CCSER1: variants seen among roughly 807,000 people sequenced by gnomAD.
The protein encoded by CCSER1 is serine-rich coiled-coil domain-containing protein 1.
CCSER1 carries 41 observed loss-of-function variants against 82.0 expected under a neutral mutation model. That is an observed-to-expected ratio of 0.50 (90% CI 0.39 to 0.65). CCSER1 has a LOEUF of 0.65. Ranked by LOEUF, CCSER1 falls within the 30% of genes least tolerant of loss-of-function variation. The probability of loss-of-function intolerance (pLI) is 0.00; values close to 1 mark genes in which losing one functional copy is unlikely to be tolerated. For missense variants in CCSER1, 1,119 were observed against 1,064.2 expected, an observed-to-expected ratio of 1.05 and a Z score of -0.72; for synonymous variants, 414 against 383.9, an observed-to-expected ratio of 1.08 and a Z score of -0.92.
intron 10 of CCSER1, among the ~76,000 whole-genome samples, chr4:91,087,974 C>T (rs1010707655): frequency 6.6e-6 from 1 of 152,040 alleles, no homozygotes; most frequent in African/African-American, 2.4e-5. Context: ...TGGTAGATGA[C>T]CTGTAAACAA....
chr4:91,591,189 TACATACTTAA>T (rs1197844030), intron 10 of CCSER1, among the ~76,000 whole-genome samples: 2 of 152,160 alleles, frequency 1.3e-5, no homozygotes, highest in African/African-American at 4.8e-5. Context: ...CAATAAGTAA[TACATACTTAA>T]ACATACAGTA....
At chr4:91,475,324 G>T (rs1343621211) in intron 10 of CCSER1, among the ~76,000 whole-genome samples, 1 of 151,852 alleles carries the variant, frequency 6.6e-6, no homozygotes, top group African/African-American at 2.4e-5. Flanking sequence ...AATAAGAAAT[G>T]CTCTTACTTC....
intron 1 of CCSER1, among the ~76,000 whole-genome samples, chr4:90,160,348 C>T (rs906283272): frequency 3.9e-5 from 6 of 152,058 alleles, no homozygotes; most frequent in African/African-American, 1.2e-4. Flanking sequence ...CGTGTTTGGG[C>T]TCTGTTTATG....
At chr4:91,280,578 G>T (rs1581896693) in intron 10 of CCSER1, among the ~76,000 whole-genome samples, 1 of 152,286 alleles carries the variant, frequency 6.6e-6, no homozygotes, top group East Asian at 1.9e-4. Flanking sequence ...TTGGGTGGGG[G>T]CAGCAGTGAT....
intron 1 of CCSER1, among the ~76,000 whole-genome samples, chr4:90,277,482 A>G (rs183888514): frequency 1.8e-3 from 276 of 152,294 alleles, no homozygotes; most frequent in African/African-American, 6.4e-3. Flanking sequence ...AAACAGACAC[A>G]TAGGTCAATG....
At chr4:91,417,673 A>G (rs1753446713) in intron 10 of CCSER1, among the ~76,000 whole-genome samples, 1 of 151,862 alleles carries the variant, frequency 6.6e-6, no homozygotes, top group Admixed American at 6.6e-5. Context: ...TAGGAACAAC[A>G]CACACTGGGG....
intron 10 of CCSER1, among the ~76,000 whole-genome samples, chr4:91,197,409 A>G (rs1735528552): frequency 6.6e-6 from 1 of 152,158 alleles, no homozygotes; most frequent in African/African-American, 2.4e-5. Flanking sequence ...AATTCAAAGA[A>G]TCCCCTGAAC....
intron 5 of CCSER1, among the ~76,000 whole-genome samples, chr4:90,516,277 T>A (rs1772257883): frequency 6.6e-6 from 1 of 152,170 alleles, no homozygotes; most frequent in South Asian, 2.1e-4. Context: ...CCTTATTTTG[T>A]CTTTCACTTG....
intron 5 of CCSER1, among the ~76,000 whole-genome samples, chr4:90,566,037 T>C (rs1779332667): frequency 6.6e-6 from 1 of 151,658 alleles, no homozygotes; most frequent in South Asian, 2.1e-4. Flanking sequence ...TTTGTATTTT[T>C]TTTTTTTTTT....
chr4:91,095,894 TG>T (rs1724461227), intron 10 of CCSER1, among the ~76,000 whole-genome samples: 1 of 152,194 alleles, frequency 6.6e-6, no homozygotes, highest in Non-Finnish European at 1.5e-5. Context: ...GGTAATCAGC[TG>T]GGACATGGTC....
At chr4:91,406,263 C>A (rs929406223) in intron 10 of CCSER1, among the ~76,000 whole-genome samples, 2 of 152,124 alleles carry the variant, frequency 1.3e-5, no homozygotes, top group African/African-American at 2.4e-5. Context: ...TTTGCATCAC[C>A]TTCAAACCCC....
chr4:90,752,190 G>A (rs1276776547), intron 7 of CCSER1, among the ~76,000 whole-genome samples: 1 of 152,044 alleles, frequency 6.6e-6, no homozygotes, highest in Non-Finnish European at 1.5e-5. Flanking sequence ...TTTCCTATGA[G>A]GAGAAACAGA....
chr4:90,901,056 A>T (rs10002707), intron 8 of CCSER1, among the ~76,000 whole-genome samples: 57,771 of 151,316 alleles, frequency 0.38, 11,614 homozygotes, highest in Non-Finnish European at 0.46. Context: ...GACTTTTTTT[A>T]AAAAAACTGT....
At chr4:90,369,338 AAG>A in intron 3 of CCSER1, among the ~76,000 whole-genome samples, 1 of 128,166 alleles carries the variant, frequency 7.8e-6, no homozygotes, top group Non-Finnish European at 1.7e-5. Flanking sequence ...AAGAAAGAAG[AAG>A]AAGAAAGAAA....
chr4:90,247,588 G>T (rs1448666740), intron 1 of CCSER1, among the ~76,000 whole-genome samples: 1 of 152,036 alleles, frequency 6.6e-6, no homozygotes, highest in African/African-American at 2.4e-5. Flanking sequence ...AAGTATTACA[G>T]ATCATTTAAA....
intron 10 of CCSER1, among the ~76,000 whole-genome samples, chr4:91,496,686 TA>T (rs1578620393): frequency 1.2e-4 from 2 of 16,064 alleles, no homozygotes. Context: ...TATTTGAATA[TA>T]TATATATTCA....
At chr4:91,212,805 T>C (rs1736926099) in intron 10 of CCSER1, among the ~76,000 whole-genome samples, 1 of 152,124 alleles carries the variant, frequency 6.6e-6, no homozygotes, top group Admixed American at 6.5e-5. Flanking sequence ...TGAATGATGC[T>C]GAGGTTTGGG....
chr4:90,205,175 AC>A (rs1371827088), intron 1 of CCSER1, among the ~76,000 whole-genome samples: 1 of 152,110 alleles, frequency 6.6e-6, no homozygotes, highest in Non-Finnish European at 1.5e-5. Flanking sequence ...GTTTTTGAAT[AC>A]CCTTTATTTC....
chr4:90,839,517 C>T (rs1015061907), intron 8 of CCSER1, among the ~76,000 whole-genome samples: 9 of 152,192 alleles, frequency 5.9e-5, no homozygotes, highest in Non-Finnish European at 8.8e-5. Flanking sequence ...TCGTACCCAT[C>T]AAGACCCAAC....
Sources: gnomAD v4.1 joint callset for allele counts (sites outside exome capture counted in the v4.1 genomes callset) on GRCh38, gnomAD v4.1.1 for gene constraint, MANE v1.5 for transcripts, NCBI Gene and HGNC (gene_info 2026-07-23, HGNC 2026-07-21) for gene names.